AGBL4: variants seen among roughly 807,000 people sequenced by gnomAD.
AGBL4 encodes AGBL carboxypeptidase 4.
Under a neutral mutation model 66.4 loss-of-function variants are expected in AGBL4, and 58 were observed. The ratio of observed to expected loss-of-function variants is 0.87; its 90% CI spans 0.71 to 1.09. The LOEUF (loss-of-function observed/expected upper bound fraction) is 1.09. Among genes scored for constraint, AGBL4 ranks in the 50% least tolerant of loss-of-function variants. The pLI is 0.00. For synonymous variants in AGBL4, 234 were observed against 222.9 expected (o/e 1.05, Z -0.44); for missense variants, 579 against 631.0 (o/e 0.92, Z 0.88).
intron 8 of AGBL4, among the ~76,000 whole-genome samples, chr1:48,640,988 T>C (rs1350913593): frequency 6.6e-6 from 1 of 152,098 alleles, no homozygotes; most frequent in Non-Finnish European, 1.5e-5. Context: ...AAAGGCAGCT[T>C]GGCGGCTCCA....
intron 3 of AGBL4, among the ~76,000 whole-genome samples, chr1:49,411,845 G>A (rs1645322246): frequency 6.6e-6 from 1 of 152,152 alleles, no homozygotes; most frequent in African/African-American, 2.4e-5. Flanking sequence ...GGAACACATT[G>A]GAAATAGAGA....
intron 3 of AGBL4, among the ~76,000 whole-genome samples, chr1:49,408,006 G>A (rs1223936516): frequency 6.6e-6 from 1 of 152,136 alleles, no homozygotes; most frequent in Non-Finnish European, 1.5e-5. Context: ...GAATTCTGAG[G>A]TCACATTCCC....
rs183679003 is a variant in AGBL4 at position 48,654,451 on chromosome 1, G to C, written c.725-1000C>G. On this transcript the variant is annotated intron_variant, in intron 7 of 13. Coordinates refer to ENST00000371839, the MANE Select transcript of AGBL4 (RefSeq NM_032785.4). ...CCCATATTTCTACTCTTTCATCAGA[G>C]ACCTGAAAAAGAAAATGGGCAAAAT... 2.1e-3 allele frequency among the ~76,000 whole-genome samples: 322 copies of C among 152,242 alleles called. 2 individuals carry two copies. Among genetic ancestry groups the C allele is most frequent in the African/African-American group, 7.5e-3 (312 of 41,524 alleles).
intron 1 of AGBL4, among the ~76,000 whole-genome samples, chr1:49,855,493 T>C (rs1646411258): frequency 6.6e-6 from 1 of 152,174 alleles, no homozygotes; most frequent in Non-Finnish European, 1.5e-5. Context: ...GGACAGATCA[T>C]ATGTTCGGTC....
chr1:49,770,760 A>G (rs1227062313), intron 2 of AGBL4, among the ~76,000 whole-genome samples: 1 of 152,098 alleles, frequency 6.6e-6, no homozygotes, highest in Admixed American at 6.6e-5. Context: ...GTATTCAGGA[A>G]TTTATTCATT....
intron 6 of AGBL4, among the ~76,000 whole-genome samples, chr1:48,796,164 C>G (rs997759318): frequency 3.3e-5 from 5 of 152,152 alleles, no homozygotes; most frequent in Non-Finnish European, 5.9e-5. Context: ...ATTTATTTTT[C>G]AGGTCTCAAA....
chr1:49,322,111 C>T (rs920334935), intron 3 of AGBL4, among the ~76,000 whole-genome samples: 1 of 152,142 alleles, frequency 6.6e-6, no homozygotes, highest in African/African-American at 2.4e-5. Context: ...TTTGGGGAAC[C>T]AAACCTTTCC....
At chr1:49,107,054 C>T (rs1416387859) in intron 4 of AGBL4, among the ~76,000 whole-genome samples, 1 of 151,858 alleles carries the variant, frequency 6.6e-6, no homozygotes, top group African/African-American at 2.4e-5. Context: ...AAGAAATAAA[C>T]AGGAATTTAT....
At chr1:49,965,810 AT>A (rs1468563755) in intron 1 of AGBL4, among the ~76,000 whole-genome samples, 9 of 152,308 alleles carry the variant, frequency 5.9e-5, no homozygotes, top group Non-Finnish European at 8.8e-5. Flanking sequence ...TGACCGGACA[AT>A]TCTACAATAA....
chr1:49,829,063 C>T (rs954683395), intron 2 of AGBL4, among the ~76,000 whole-genome samples: 7 of 146,044 alleles, frequency 4.8e-5, no homozygotes, highest in African/African-American at 7.6e-5. Flanking sequence ...AGTGAGACTC[C>T]GTCTCAAAAA....
chr1:49,830,320 T>C (rs934375632), intron 2 of AGBL4, among the ~76,000 whole-genome samples: 1 of 152,176 alleles, frequency 6.6e-6, no homozygotes, highest in Non-Finnish European at 1.5e-5. Flanking sequence ...ACTGCCATGA[T>C]GTGGTATCTC....
intron 6 of AGBL4, among the ~76,000 whole-genome samples, chr1:48,675,412 A>AT (rs1408667825): frequency 5.3e-5 from 8 of 152,174 alleles, no homozygotes; most frequent in African/African-American, 1.9e-4. Context: ...GTGATGGTTT[A>AT]TTTTCTCAGC....
At chr1:49,837,018 A>T (rs1645868315) in intron 2 of AGBL4, among the ~76,000 whole-genome samples, 1 of 152,168 alleles carries the variant, frequency 6.6e-6, no homozygotes, top group Non-Finnish European at 1.5e-5. Flanking sequence ...TCTCCCCATC[A>T]GGAGTCATGG....
chr1:48,756,092 A>G (rs1463820781), intron 6 of AGBL4, among the ~76,000 whole-genome samples: 1 of 152,218 alleles, frequency 6.6e-6, no homozygotes, highest in Non-Finnish European at 1.5e-5. Context: ...ACAGAATGTC[A>G]GGCACTATGC....
intron 3 of AGBL4, among the ~76,000 whole-genome samples, chr1:49,459,717 T>C (rs562234960): frequency 1.6e-4 from 25 of 151,822 alleles, no homozygotes; most frequent in African/African-American, 5.8e-4. Flanking sequence ...TTTGGATTGT[T>C]CTTGTTTCCC....
At chr1:48,611,039 C>T (rs12023224) in intron 9 of AGBL4, among the ~76,000 whole-genome samples, 41,903 of 152,202 alleles carry the variant, frequency 0.28, 6,070 homozygotes, top group Middle Eastern at 0.34. Context: ...GGGTCATTAA[C>T]ACCCACTACA....
At chr1:49,697,762 T>C (rs1311546679) in intron 2 of AGBL4, among the ~76,000 whole-genome samples, 1 of 152,148 alleles carries the variant, frequency 6.6e-6, no homozygotes, top group Non-Finnish European at 1.5e-5. Flanking sequence ...TGGCAAACTT[T>C]GGTTTCTTAC....
intron 1 of AGBL4, chr1:49,995,388 C>T (rs774670269): frequency 1.2e-5 from 5 of 427,652 alleles, no homozygotes; most frequent in South Asian, 6.7e-5. Flanking sequence ...TTCCCACTTC[C>T]CTGGCCACCT....
chr1:48,948,791 C>T (rs1656727096), intron 5 of AGBL4, among the ~76,000 whole-genome samples: 1 of 151,596 alleles, frequency 6.6e-6, no homozygotes, highest in African/African-American at 2.4e-5. Context: ...ACTGTGTAGG[C>T]AGTGAAGGAT....
Sources: allele counts gnomAD v4.1 joint callset (sites outside exome capture counted in the v4.1 genomes callset), GRCh38; gene constraint gnomAD v4.1.1; transcripts MANE v1.5; gene names NCBI Gene and HGNC (gene_info 2026-07-23, HGNC 2026-07-21).